Variants in B3GALT1 observed in about 807,000 individuals in gnomAD.
B3GALT1 encodes beta-1,3-galactosyltransferase 1.
In B3GALT1, 10 loss-of-function variants were observed where a neutral mutation model predicts 23.2. That is an observed-to-expected ratio of 0.43 (90% CI 0.27 to 0.73). The LOEUF (loss-of-function observed/expected upper bound fraction) is 0.73, where lower values mean the gene tolerates loss of function less well. B3GALT1 is among the 30% of genes least tolerant of loss of function. The pLI is 0.21. For synonymous variants in B3GALT1, 156 were observed against 141.5 expected (o/e 1.10, Z -0.73); for missense variants, 299 against 405.4 (o/e 0.74, Z 2.25).
intron 4 of B3GALT1, among the ~76,000 whole-genome samples, chr2:167,853,353 G>C (rs1056024857): frequency 6.6e-5 from 10 of 152,082 alleles, no homozygotes; most frequent in Admixed American, 4.6e-4. Flanking sequence ...CCTATTGAGA[G>C]TTCTCTATTT....
intron 3 of B3GALT1, among the ~76,000 whole-genome samples, chr2:167,699,056 T>C (rs576548679): frequency 2.0e-5 from 3 of 152,308 alleles, no homozygotes; most frequent in African/African-American, 7.2e-5. Context: ...TTTTAACATA[T>C]TTTATTCAAT....
Position 167,717,839 on chromosome 2 carries a change from C to A in B3GALT1, c.-352+70873C>A, listed in dbSNP as rs16854076. Among the ~76,000 whole-genome samples the A allele has an allele frequency of 3.2e-3, 487 of 152,224 alleles. 1 individual carries two copies. The highest frequency in any genetic ancestry group is 0.011 in the African/African-American group (469 of 41,540). The stretch of plus-strand genomic sequence containing the variant: ...CCATACATGAAGTTTCCAGATTCAC[C>A]TCAATATTGTCAGCAAAGGAATGTC... On this transcript the variant is annotated intron_variant, in intron 3 of 4. Transcript: ENST00000392690.
intron 3 of B3GALT1, among the ~76,000 whole-genome samples, chr2:167,765,021 A>G (rs1229062154): frequency 2.0e-5 from 3 of 152,216 alleles, no homozygotes; most frequent in African/African-American, 7.2e-5. Context: ...ACCTTTACCC[A>G]CCTGCATCAG....
chr2:167,781,240 GTTAAAT>G (rs1000439176), intron 3 of B3GALT1, among the ~76,000 whole-genome samples: 7 of 152,214 alleles, frequency 4.6e-5, no homozygotes, highest in African/African-American at 1.7e-4. Context: ...CTTTAATACT[GTTAAAT>G]TTAAGGGTGA....
intron 2 of B3GALT1, among the ~76,000 whole-genome samples, chr2:167,637,002 ATAGAAGGTAGGTACTCAGTAG>A (rs916191417): frequency 6.6e-6 from 1 of 152,068 alleles, no homozygotes; most frequent in African/African-American, 2.4e-5. Context: ...ATAAAAAAAA[ATAGAAGGTAGGTACTCAGTAG>A]TATGCCCTTA....
At chr2:167,834,167 T>C (rs1244789379) in intron 4 of B3GALT1, among the ~76,000 whole-genome samples, 1 of 152,208 alleles carries the variant, frequency 6.6e-6, no homozygotes, top group African/African-American at 2.4e-5. Context: ...GTGGTATTCC[T>C]GTGGGTCATC....
intron 3 of B3GALT1, among the ~76,000 whole-genome samples, chr2:167,696,244 G>C (rs1365548906): frequency 7.4e-6 from 1 of 134,452 alleles, no homozygotes; most frequent in East Asian, 2.3e-4. Context: ...CCTTTTATTA[G>C]TTGTGAGACC....
At chr2:167,543,198 G>C (rs1385999497) in intron 2 of B3GALT1, among the ~76,000 whole-genome samples, 2 of 151,896 alleles carry the variant, frequency 1.3e-5, no homozygotes, top group Admixed American at 1.3e-4. Context: ...GACTTTTTTT[G>C]AAATAAACAG....
Position 167,868,933 on chromosome 2 carries a change from T to C in B3GALT1, c.-107T>C. ...ACAATCTCCACCTCACGCTTCTCTA[T>C]CAAACTTGAAGATTTATTAGTAATA... On this transcript the variant is annotated 5_prime_UTR_variant, in exon 5 of 5. Coordinates refer to ENST00000392690, the MANE Select transcript of B3GALT1 (RefSeq NM_020981.4). 1 of 1,356,734 alleles carries C rather than the reference T, an allele frequency of 7.4e-7. No homozygotes were observed. The highest frequency in any genetic ancestry group is 1.5e-5 in the South Asian group (1 of 68,456). The allele number at this position is 1,356,734 out of a possible 1,614,324, so 84.0% of individuals were successfully genotyped here.
chr2:167,745,472 G>A (rs1687638915), intron 3 of B3GALT1, among the ~76,000 whole-genome samples: 1 of 152,076 alleles, frequency 6.6e-6, no homozygotes, highest in Admixed American at 6.5e-5. Flanking sequence ...TATTTCCATA[G>A]TGATTGCCTA....
intron 1 of B3GALT1, among the ~76,000 whole-genome samples, chr2:167,469,403 C>T (rs1430575633): frequency 6.6e-6 from 1 of 152,122 alleles, no homozygotes; most frequent in Non-Finnish European, 1.5e-5. Flanking sequence ...GGTATGCATT[C>T]ATTTAGTAAA....
intron 2 of B3GALT1, among the ~76,000 whole-genome samples, chr2:167,496,113 T>C (rs1004164298): frequency 2.0e-5 from 3 of 152,216 alleles, no homozygotes; most frequent in Admixed American, 1.3e-4. Flanking sequence ...TAAGCTTTTA[T>C]TCTTCCAGTT....
At chr2:167,617,691 G>A (rs1050071011) in intron 2 of B3GALT1, among the ~76,000 whole-genome samples, 7 of 152,026 alleles carry the variant, frequency 4.6e-5, no homozygotes, top group Non-Finnish European at 8.8e-5. Flanking sequence ...CAGGATCATA[G>A]AAATTTAGAA....
At chr2:167,575,289 A>T (rs1447888074) in intron 2 of B3GALT1, among the ~76,000 whole-genome samples, 1 of 151,798 alleles carries the variant, frequency 6.6e-6, no homozygotes, top group African/African-American at 2.4e-5. Flanking sequence ...TTAAGCCTGG[A>T]TATGGATGTT....
intron 3 of B3GALT1, among the ~76,000 whole-genome samples, chr2:167,756,619 C>T (rs191403046): frequency 9.2e-5 from 14 of 152,290 alleles, no homozygotes; most frequent in African/African-American, 2.9e-4. Context: ...GCTTTACTTG[C>T]GGACCAAACT....
chr2:167,471,584 A>G (rs1196829284), intron 1 of B3GALT1, among the ~76,000 whole-genome samples: 1 of 152,178 alleles, frequency 6.6e-6, no homozygotes, highest in African/African-American at 2.4e-5. Context: ...ACCTGTAGTG[A>G]ACCAGCTTCA....
At chr2:167,793,639 A>G (rs1688486070) in intron 3 of B3GALT1, among the ~76,000 whole-genome samples, 1 of 152,230 alleles carries the variant, frequency 6.6e-6, no homozygotes, top group African/African-American at 2.4e-5. Context: ...TTTCCTCAAT[A>G]TAAATAACCC....
chr2:167,754,049 C>T (rs1404270827), intron 3 of B3GALT1, among the ~76,000 whole-genome samples: 4 of 152,076 alleles, frequency 2.6e-5, no homozygotes, highest in Admixed American at 6.6e-5. Flanking sequence ...AAATGGTTAC[C>T]GTATTGGCAA....
At chr2:167,807,049 G>GT (rs1486795230) in intron 3 of B3GALT1, among the ~76,000 whole-genome samples, 2 of 152,128 alleles carry the variant, frequency 1.3e-5, no homozygotes, top group Non-Finnish European at 2.9e-5. Flanking sequence ...TTGGGAGGGT[G>GT]TATGTGTCGA....
Sources: gnomAD v4.1 joint callset for allele counts (sites outside exome capture counted in the v4.1 genomes callset) on GRCh38, gnomAD v4.1.1 for gene constraint, MANE v1.5 for transcripts, NCBI Gene and HGNC (gene_info 2026-07-23, HGNC 2026-07-21) for gene names.